Variants in SUGCT observed in about 807,000 individuals in gnomAD.
SUGCT encodes the protein succinyl-CoA:glutarate CoA-transferase.
In SUGCT, 41 loss-of-function variants were observed where a neutral mutation model predicts 55.0. The ratio of observed to expected loss-of-function variants is 0.74; its 90% CI spans 0.58 to 0.97. SUGCT has a LOEUF of 0.97. Among genes scored for constraint, SUGCT ranks in the 50% least tolerant of loss-of-function variants. The pLI is 0.00. For synonymous variants in SUGCT, 187 were observed against 200.4 expected (o/e 0.93, Z 0.56); for missense variants, 568 against 547.8 (o/e 1.04, Z -0.37).
intron 13 of SUGCT, among the ~76,000 whole-genome samples, chr7:40,832,279 AT>A (rs1402024696): frequency 1.3e-5 from 2 of 152,060 alleles, no homozygotes; most frequent in Admixed American, 1.3e-4. Flanking sequence ...TCAGGGCCTT[AT>A]TTTCCTTTAA....
intron 13 of SUGCT, among the ~76,000 whole-genome samples, chr7:40,806,605 A>G (rs979401829): frequency 1.3e-5 from 2 of 152,114 alleles, no homozygotes; most frequent in Non-Finnish European, 2.9e-5. Flanking sequence ...TTTTGTTAGG[A>G]AAAACATCAT....
At chr7:40,921,685 G>T in the SUGCT span, among the ~76,000 whole-genome samples, 11 of 152,170 alleles carry the variant, frequency 7.2e-5, no homozygotes, top group Non-Finnish European at 1.5e-4. Flanking sequence ...TCCTGCAGAG[G>T]CCTTTGTCTG....
chr7:40,924,371 C>T, the SUGCT span, among the ~76,000 whole-genome samples: 1 of 151,846 alleles, frequency 6.6e-6, no homozygotes, highest in Admixed American at 6.6e-5. Context: ...TTCCAAATAG[C>T]TGGGACCACA....
the SUGCT span, among the ~76,000 whole-genome samples, chr7:40,945,297 C>G: frequency 6.6e-6 from 1 of 152,122 alleles, no homozygotes; most frequent in Non-Finnish European, 1.5e-5. Context: ...CATTCCTGAT[C>G]CAGTGTTCTA....
chr7:40,379,183 C>T (rs1302566981), intron 9 of SUGCT, among the ~76,000 whole-genome samples: 2 of 152,146 alleles, frequency 1.3e-5, no homozygotes, highest in African/African-American at 2.4e-5. Flanking sequence ...TGTCCTATAG[C>T]TTTTAGAGGG....
the SUGCT span, among the ~76,000 whole-genome samples, chr7:40,923,826 C>T: frequency 4.6e-5 from 7 of 152,222 alleles, no homozygotes; most frequent in South Asian, 2.1e-4. Flanking sequence ...TCCTGGAGGC[C>T]GTGGATCTTG....
the SUGCT span, among the ~76,000 whole-genome samples, chr7:40,995,739 C>T: frequency 1.3e-5 from 2 of 152,122 alleles, no homozygotes; most frequent in East Asian, 1.9e-4. Context: ...ACCTTACAGC[C>T]CTTCATGGCA....
At chr7:40,811,607 T>C (rs1427789812) in intron 13 of SUGCT, among the ~76,000 whole-genome samples, 2 of 152,172 alleles carry the variant, frequency 1.3e-5, no homozygotes, top group Non-Finnish European at 2.9e-5. Context: ...CTGATTTTTG[T>C]ACATGGATTT....
chr7:40,925,661 T>G, the SUGCT span, among the ~76,000 whole-genome samples: 1 of 152,168 alleles, frequency 6.6e-6, no homozygotes, highest in Non-Finnish European at 1.5e-5. Context: ...GAGGAGAAAG[T>G]AGCTGAACCG....
At chr7:40,318,870 A>G (rs1264757616) in intron 9 of SUGCT, among the ~76,000 whole-genome samples, 1 of 152,202 alleles carries the variant, frequency 6.6e-6, no homozygotes, top group African/African-American at 2.4e-5. Flanking sequence ...TTTTTTGCTC[A>G]TTTAAAAAAT....
intron 8 of SUGCT, among the ~76,000 whole-genome samples, chr7:40,316,467 A>G (rs1007461627): frequency 6.6e-6 from 1 of 152,186 alleles, no homozygotes; most frequent in African/African-American, 2.4e-5. Context: ...TAAAGGCCAG[A>G]CCACGGTTCC....
intron 7 of SUGCT, among the ~76,000 whole-genome samples, chr7:40,259,801 A>G (rs186698293): frequency 2.6e-5 from 4 of 152,130 alleles, no homozygotes; most frequent in Non-Finnish European, 5.9e-5. Context: ...TTGTATCACA[A>G]ATTTCTTGAC....
chr7:40,147,706 G>A (rs1788331936), intron 1 of SUGCT, among the ~76,000 whole-genome samples: 1 of 152,126 alleles, frequency 6.6e-6, no homozygotes, highest in South Asian at 2.1e-4. Context: ...CCTCCCACTG[G>A]GTGGGTCCTG....
intron 4 of SUGCT, 41 bp from the exon 5 acceptor site, chr7:40,189,503 T>C: frequency 1.4e-6 from 1 of 698,540 alleles, no homozygotes; most frequent in Non-Finnish European, 2.0e-6. Context: ...TGTGTTTTGG[T>C]CATCGAAATA....
At chr7:40,138,011 C>A (rs2150570971) in intron 1 of SUGCT, among the ~76,000 whole-genome samples, 1 of 152,248 alleles carries the variant, frequency 6.6e-6, no homozygotes, top group South Asian at 2.1e-4. Flanking sequence ...GGCATATATT[C>A]ATGGGGGTAC....
At chr7:41,004,835 C>A in the SUGCT span, among the ~76,000 whole-genome samples, 1 of 151,994 alleles carries the variant, frequency 6.6e-6, no homozygotes, top group Non-Finnish European at 1.5e-5. Flanking sequence ...TCTCAATATT[C>A]TTCTCATTGA....
intron 7 of SUGCT, among the ~76,000 whole-genome samples, chr7:40,263,291 A>C (rs1336717366): frequency 6.6e-6 from 1 of 152,350 alleles, no homozygotes; most frequent in African/African-American, 2.4e-5. Flanking sequence ...TTTAGTGTTA[A>C]ATCTGACAAC....
chr7:40,503,575 G>A (rs1792418777), intron 12 of SUGCT, among the ~76,000 whole-genome samples: 3 of 152,070 alleles, frequency 2.0e-5, no homozygotes, highest in Non-Finnish European at 4.4e-5. Context: ...CAAATAAGAG[G>A]AGAAAGGGAG....
chr7:40,443,562 A>T (rs1396199737), intron 9 of SUGCT, among the ~76,000 whole-genome samples: 1 of 151,910 alleles, frequency 6.6e-6, no homozygotes, highest in Admixed American at 6.6e-5. Context: ...CCACTTTTTG[A>T]TGGGGTGTTT....
Sources: allele counts gnomAD v4.1 joint callset (sites outside exome capture counted in the v4.1 genomes callset), GRCh38; gene constraint gnomAD v4.1.1; transcripts MANE v1.5; gene names NCBI Gene and HGNC (gene_info 2026-07-23, HGNC 2026-07-21).